Variants in FSTL5 observed in about 807,000 individuals in gnomAD.
FSTL5 encodes the protein follistatin-related protein 5.
In FSTL5, 62 loss-of-function variants were observed where a neutral mutation model predicts 89.1. That is an observed-to-expected ratio of 0.70 (90% CI 0.57 to 0.86). The LOEUF (loss-of-function observed/expected upper bound fraction) is 0.86. Among genes scored for constraint, FSTL5 ranks in the 40% least tolerant of loss-of-function variants. The pLI is 0.00. For missense variants in FSTL5, 1,057 were observed against 1,001.6 expected (o/e 1.06, Z -0.75); for synonymous variants, 383 against 346.2 (o/e 1.11, Z -1.18).
At chr4:162,046,675 T>C (rs1426282653) in intron 2 of FSTL5, among the ~76,000 whole-genome samples, 1 of 152,060 alleles carries the variant, frequency 6.6e-6, no homozygotes, top group Admixed American at 6.6e-5. Context: ...ATTTTTAGAG[T>C]GATAAATAAT....
chr4:162,070,779 G>C (rs1729587476), intron 2 of FSTL5, among the ~76,000 whole-genome samples: 1 of 151,652 alleles, frequency 6.6e-6, no homozygotes, highest in African/African-American at 2.4e-5. Context: ...AAAAGAACCT[G>C]CTAGCCAAGA....
chr4:161,510,447 G>T, intron 10 of FSTL5, 23 bp from the exon 11 acceptor site: 1 of 1,453,442 alleles, frequency 6.9e-7, no homozygotes, highest in African/African-American at 1.4e-5. Flanking sequence ...GAAAGAAAAA[G>T]AAGAAAAAGA....
At chr4:161,477,860 A>G (rs1386343178) in intron 13 of FSTL5, among the ~76,000 whole-genome samples, 1 of 152,118 alleles carries the variant, frequency 6.6e-6, no homozygotes, top group African/African-American at 2.4e-5. Context: ...AAAAGTCTCA[A>G]TAGTGTATAC....
At chr4:161,759,373 A>AGG (rs1740697632) in intron 6 of FSTL5, 38 bp downstream of exon 6, 4 of 1,559,274 alleles carry the variant, frequency 2.6e-6, no homozygotes, top group Non-Finnish European at 3.5e-6. Flanking sequence ...AACAGGAAAA[A>AGG]GAACAAAGGG....
intron 2 of FSTL5, among the ~76,000 whole-genome samples, chr4:162,052,142 G>A (rs1738397833): frequency 6.6e-6 from 1 of 151,540 alleles, no homozygotes; most frequent in Admixed American, 6.6e-5. Flanking sequence ...GTAAAGAGTA[G>A]TTATTACATT....
At chr4:161,872,197 C>T (rs1291249708) in intron 4 of FSTL5, among the ~76,000 whole-genome samples, 2 of 131,948 alleles carry the variant, frequency 1.5e-5, no homozygotes, top group Admixed American at 9.2e-5. Flanking sequence ...AGGCTGGTCT[C>T]GAACTCCTGG....
chr4:161,811,973 T>TTAAG (rs1730163334), intron 4 of FSTL5, among the ~76,000 whole-genome samples: 1 of 147,578 alleles, frequency 6.8e-6, no homozygotes, highest in Non-Finnish European at 1.5e-5. Context: ...AACCAATGGG[T>TTAAG]TAAGTGTTGA....
chr4:162,054,337 T>C (rs776742529), intron 2 of FSTL5, among the ~76,000 whole-genome samples: 4 of 151,778 alleles, frequency 2.6e-5, no homozygotes, highest in East Asian at 3.9e-4. Flanking sequence ...CTTCACTTTA[T>C]GATGAAACAT....
intron 7 of FSTL5, among the ~76,000 whole-genome samples, chr4:161,609,832 C>T (rs1192037085): frequency 1.3e-5 from 2 of 152,026 alleles, no homozygotes; most frequent in Non-Finnish European, 2.9e-5. Flanking sequence ...GTCCTCTGTT[C>T]CTCAGGGAGA....
chr4:161,840,959 G>A (rs539652684), intron 4 of FSTL5, among the ~76,000 whole-genome samples: 56 of 152,214 alleles, frequency 3.7e-4, no homozygotes, highest in Middle Eastern at 3.4e-3. Context: ...TAGAGATAGC[G>A]CTATTTCTCC....
chr4:161,679,757 T>C (rs920720931), intron 6 of FSTL5, among the ~76,000 whole-genome samples: 5 of 151,856 alleles, frequency 3.3e-5, no homozygotes, highest in African/African-American at 9.7e-5. Context: ...TCTTTCTTCA[T>C]TCAGTTGACA....
rs1359367200 is a variant in FSTL5, at chr4:161,408,661, C to G, written c.1842-22212G>C. 2.0e-5 allele frequency among the ~76,000 whole-genome samples: 3 copies of G among 152,056 alleles called. No individual in the cohort carries two copies. In the South Asian group the frequency reaches 6.2e-4, roughly 32 times the overall value. On this transcript the variant is annotated intron_variant, in intron 15 of 15. Coordinates refer to ENST00000306100, the MANE Select transcript of FSTL5 (RefSeq NM_020116.5). ...ATCAAAGAGAAAGTTAAAACTCTGT[C>G]CAAGGAAGCCAATCAATACAGTAAA...
At chr4:161,872,176 T>C (rs35534616) in intron 4 of FSTL5, among the ~76,000 whole-genome samples, 72,909 of 132,782 alleles carry the variant, frequency 0.55, 20,685 homozygotes, top group East Asian at 0.65. Context: ...CAAGGATTCA[T>C]CATGTTGTCC....
chr4:161,512,477 A>G (rs1326603943), intron 10 of FSTL5, among the ~76,000 whole-genome samples: 3 of 152,118 alleles, frequency 2.0e-5, no homozygotes, highest in African/African-American at 7.2e-5. Flanking sequence ...ATTGTTAAAC[A>G]GGGGGAACTT....
intron 6 of FSTL5, among the ~76,000 whole-genome samples, chr4:161,728,037 A>C (rs914942689): frequency 6.6e-6 from 1 of 152,198 alleles, no homozygotes; most frequent in Non-Finnish European, 1.5e-5. Flanking sequence ...ATCAAAATTT[A>C]TGAGGATGGA....
chr4:162,075,230 A>T (rs1729789438), intron 2 of FSTL5, among the ~76,000 whole-genome samples: 1 of 151,740 alleles, frequency 6.6e-6, no homozygotes, highest in African/African-American at 2.4e-5. Flanking sequence ...CATTCTGTTG[A>T]TTGGATAGAC....
chr4:161,932,756 T>C lies in FSTL5; in HGVS notation c.161-12104A>G, dbSNP rs1180499598. On this transcript the variant is annotated intron_variant, in intron 3 of 15. Coordinates refer to ENST00000306100, the MANE Select transcript of FSTL5 (RefSeq NM_020116.5). ...TTATGTCTTTTGCAAATTTGAAATC[T>C]TCACTCATTCATAAAATAAAATTAA... Among the ~76,000 whole-genome samples, 5 of 152,116 alleles carry C rather than the reference T, an allele frequency of 3.3e-5. No individual in the cohort carries two copies. The East Asian group carries it at 5.8e-4, about 18-fold the overall frequency.
rs537367223 is a variant in FSTL5, at chr4:161,460,452, T to G, written c.1609-1133A>C. Among the ~76,000 whole-genome samples, 326 of 86,600 alleles carry G rather than the reference T, an allele frequency of 3.8e-3. 2 individuals are homozygous for G. Among genetic ancestry groups the G allele is most frequent in the Non-Finnish European group, 6.3e-3 (248 of 39,202 alleles). The allele number at this position is 86,600 out of a possible 152,430, so 56.8% of individuals were successfully genotyped here. ...CCCACCCCGTGTCCAAGTGTTCTCA[T>G]TGTTCAATTCCCACCTATGAGTGAG... is the stretch of plus-strand genomic sequence containing the variant. On this transcript the variant is annotated intron_variant, in intron 13 of 15. Coordinates refer to ENST00000306100, the MANE Select transcript of FSTL5 (RefSeq NM_020116.5).
intron 6 of FSTL5, among the ~76,000 whole-genome samples, chr4:161,710,437 G>A (rs1215593786): frequency 1.3e-5 from 2 of 152,166 alleles, no homozygotes; most frequent in East Asian, 3.9e-4. Flanking sequence ...AGGTCAGGAC[G>A]AGATCTGGTT....
Sources: gnomAD v4.1 joint callset for allele counts (sites outside exome capture counted in the v4.1 genomes callset) on GRCh38, gnomAD v4.1.1 for gene constraint, MANE v1.5 for transcripts, NCBI Gene and HGNC (gene_info 2026-07-23, HGNC 2026-07-21) for gene names.